The following GMPR variants were observed in gnomAD, a reference collection of about 807,000 sequenced individuals.
The protein encoded by GMPR is GMP reductase 1.
A neutral mutation model predicts 38.4 loss-of-function variants in GMPR; 31 were observed. The observed-to-expected ratio is 0.81, with a 90% CI of 0.61 to 1.09. GMPR has a LOEUF of 1.09. Ranked by LOEUF, GMPR falls within the 50% of genes least tolerant of loss-of-function variation. GMPR has a pLI of 0.00. For missense variants in GMPR, 468 were observed against 453.7 expected (o/e 1.03, Z -0.29); for synonymous variants, 162 against 173.3 (o/e 0.93, Z 0.51).
intron 4 of GMPR, among the ~76,000 whole-genome samples, chr6:16,258,396 C>T (rs1759017799): frequency 6.6e-6 from 1 of 152,122 alleles, no homozygotes. Context: ...AGGACAAAGA[C>T]CAGGAAGGAG....
chr6:16,255,661 A>G (rs539691743), intron 4 of GMPR, among the ~76,000 whole-genome samples: 1 of 152,222 alleles, frequency 6.6e-6, no homozygotes, highest in African/African-American at 2.4e-5. Flanking sequence ...CTAGAGTACA[A>G]CTTGGGCTTT....
intron 7 of GMPR, among the ~76,000 whole-genome samples, chr6:16,288,814 C>A (rs1759755332): frequency 6.6e-6 from 1 of 152,188 alleles, no homozygotes; most frequent in Admixed American, 6.5e-5. Context: ...TTTGTAAACA[C>A]ACCAACCAGC....
intron 4 of GMPR, among the ~76,000 whole-genome samples, chr6:16,272,466 A>G (rs1026161927): frequency 2.0e-5 from 3 of 152,230 alleles, no homozygotes; most frequent in Non-Finnish European, 4.4e-5. Flanking sequence ...TCATACTACA[A>G]TAAATTTTCC....
chr6:16,256,453 C>G (rs370973983), intron 4 of GMPR, among the ~76,000 whole-genome samples: 1 of 142,120 alleles, frequency 7.0e-6, no homozygotes, highest in Non-Finnish European at 1.5e-5. Context: ...TGCTCGAACC[C>G]GGGAGGCAAA....
chr6:16,240,953 C>A (rs926869312), intron 1 of GMPR, among the ~76,000 whole-genome samples: 1 of 151,906 alleles, frequency 6.6e-6, no homozygotes, highest in African/African-American at 2.4e-5. Context: ...TGGCTGGCCA[C>A]CCCCATGATC....
intron 4 of GMPR, 137 bp downstream of exon 4, chr6:16,254,872 T>G: frequency 1.6e-6 from 1 of 626,980 alleles, no homozygotes. Flanking sequence ...TGAGGATCAT[T>G]TGGGAAAGGA....
At chr6:16,276,492 T>G (rs1323357964) in intron 5 of GMPR, among the ~76,000 whole-genome samples, 1 of 152,166 alleles carries the variant, frequency 6.6e-6, no homozygotes, top group Non-Finnish European at 1.5e-5. Context: ...TTTCTAGATG[T>G]GGTCTCGAAC....
intron 4 of GMPR, among the ~76,000 whole-genome samples, chr6:16,266,138 TTTAAGAG>T: frequency 7.9e-6 from 1 of 126,324 alleles, no homozygotes. Flanking sequence ...ACTTGCCATC[TTTAAGAG>T]CTGTAACACT....
intron 1 of GMPR, among the ~76,000 whole-genome samples, chr6:16,244,130 C>A (rs549420197): frequency 6.0e-5 from 9 of 150,266 alleles, no homozygotes; most frequent in Admixed American, 4.0e-4. Flanking sequence ...GAGGTTAGAA[C>A]CTATTTTATG....
At chr6:16,248,896 A>G (rs1280091273) in intron 2 of GMPR, among the ~76,000 whole-genome samples, 1 of 152,200 alleles carries the variant, frequency 6.6e-6, no homozygotes, top group African/African-American at 2.4e-5. Flanking sequence ...TTTCCTAGGA[A>G]GTCTCCCTGC....
intron 7 of GMPR, chr6:16,289,404 C>T (rs1187779089): frequency 2.0e-5 from 3 of 152,198 alleles, no homozygotes; most frequent in Non-Finnish European, 2.9e-5. Flanking sequence ...CTTTTTTTCC[C>T]ACGTTTTTAC....
At chr6:16,276,221 G>A (rs889864326) in intron 5 of GMPR, among the ~76,000 whole-genome samples, 1 of 152,082 alleles carries the variant, frequency 6.6e-6, no homozygotes, top group African/African-American at 2.4e-5. Flanking sequence ...CCAGGCTGGA[G>A]TGCAGTGGTG....
intron 4 of GMPR, chr6:16,262,488 C>T (rs1429715662): frequency 5.9e-5 from 9 of 152,002 alleles, no homozygotes; most frequent in African/African-American, 1.4e-4. Context: ...TCTGGAGGAA[C>T]GCCTGGCTGC....
intron 4 of GMPR, among the ~76,000 whole-genome samples, chr6:16,260,250 A>G (rs1258465512): frequency 6.6e-6 from 1 of 151,944 alleles, no homozygotes; most frequent in Non-Finnish European, 1.5e-5. Flanking sequence ...ACCGTAAGGG[A>G]TATAAAGGTT....
rs754720859 is a variant in GMPR, at chr6:16,238,707, A to G, written c.14A>G (p.Asp5Gly). Residue 5 changes from aspartate to glycine, a missense_variant, in exon 1 of 9, where the codon GAT becomes GGT. Coordinates refer to ENST00000259727, the MANE Select transcript of GMPR (RefSeq NM_006877.4). MPRI[D>G]ADLKLDFKDV... ...AGCCGCTGCACCATGCCCCGCATAG[A>G]TGCGGACCTCAAGCTCGACTTCAAG... The G allele has an allele frequency of 4.1e-5, 58 of 1,429,610 alleles. No homozygotes were observed. Among genetic ancestry groups the G allele is most frequent in the Non-Finnish European group, 4.8e-5 (52 of 1,078,290 alleles). The allele number at this position is 1,429,610 out of a possible 1,614,324, so 88.6% of individuals were successfully genotyped here. A position where few individuals can be genotyped will look rare whatever the true frequency, so the allele number is the denominator to read the frequency against.
intron 4 of GMPR, among the ~76,000 whole-genome samples, chr6:16,269,670 G>C (rs1033427264): frequency 6.6e-6 from 1 of 152,092 alleles, no homozygotes; most frequent in African/African-American, 2.4e-5. Context: ...GGTGTCACAT[G>C]CCTGTAGTCC....
Position 16,238,650 on chromosome 6 carries a change from C to G in GMPR, c.-44C>G, listed in dbSNP as rs1273026479. On this transcript the variant is annotated 5_prime_UTR_variant, in exon 1 of 9. Transcript: ENST00000259727. ...CCCCGCGCCGCCCCGCGCAGGCGCC[C>G]CCGCCCCGCCGTCGCCGCCGCCGCA... The G allele has an allele frequency of 2.0e-6, 2 of 993,958 alleles. No individual in the cohort carries two copies. Among genetic ancestry groups the G allele is most frequent in the African/African-American group, 1.7e-5 (1 of 57,504 alleles). The allele number at this position is 993,958 out of a possible 1,614,324, so 61.6% of individuals were successfully genotyped here.
chr6:16,256,181 A>C lies in GMPR; in HGVS notation c.465+1446A>C, dbSNP rs575860631. 2.6e-3 allele frequency among the ~76,000 whole-genome samples: 394 copies of C among 148,964 alleles called. 4 individuals carry two copies. The highest frequency in any genetic ancestry group is 3.6e-3 in the South Asian group (17 of 4,706). On this transcript the variant is annotated intron_variant, in intron 4 of 8. Transcript: ENST00000259727. ...CAGTGAGCCGAGATCACACCACTGCACTCCAGCCTGGGCAACAGAGGGAGA... is the reference window on the plus strand; with the variant it reads ...CAGTGAGCCGAGATCACACCACTGCCCTCCAGCCTGGGCAACAGAGGGAGA...
chr6:16,289,075 T>G (rs543587508), intron 7 of GMPR, among the ~76,000 whole-genome samples: 8 of 152,182 alleles, frequency 5.3e-5, no homozygotes, highest in Non-Finnish European at 1.0e-4. Context: ...GAGGGTGATT[T>G]GTTGTTTCGC....
Sources: gnomAD v4.1 joint callset for allele counts (sites outside exome capture counted in the v4.1 genomes callset) on GRCh38, gnomAD v4.1.1 for gene constraint, MANE v1.5 for transcripts, NCBI Gene and HGNC (gene_info 2026-07-23, HGNC 2026-07-21) for gene names.